SENP2: variants seen among roughly 807,000 people sequenced by gnomAD.
SENP2 encodes the protein sentrin-specific protease 2.
A neutral mutation model predicts 86.3 loss-of-function variants in SENP2; 16 were observed. That is an observed-to-expected ratio of 0.19 (90% CI 0.13 to 0.28). The LOEUF (loss-of-function observed/expected upper bound fraction) is 0.28, where lower values mean the gene tolerates loss of function less well. Among genes scored for constraint, SENP2 ranks in the 10% least tolerant of loss-of-function variants. The probability of loss-of-function intolerance (pLI) is 1.00; values close to 1 mark genes in which losing one functional copy is unlikely to be tolerated. For missense variants in SENP2, 552 were observed against 703.0 expected, an observed-to-expected ratio of 0.79 and a Z score of 2.43; for synonymous variants, 222 against 238.7, an observed-to-expected ratio of 0.93 and a Z score of 0.64.
intron 10 of SENP2, 22 bp downstream of exon 10, chr3:185,613,430 A>C (rs1722759805): frequency 1.4e-6 from 2 of 1,429,400 alleles, no homozygotes; most frequent in South Asian, 1.2e-5. Context: ...TCCTAGTTAC[A>C]TTTGATACCT....
At chr3:185,588,095 T>C (rs1721858345) in intron 1 of SENP2, among the ~76,000 whole-genome samples, 2 of 128,048 alleles carry the variant, frequency 1.6e-5, no homozygotes, top group Non-Finnish European at 3.2e-5. Context: ...TCTCGCTCTG[T>C]CGCCCAGGCT....
intron 16 of SENP2, among the ~76,000 whole-genome samples, chr3:185,628,955 C>T (rs908024908): frequency 6.6e-6 from 1 of 152,142 alleles, no homozygotes; most frequent in Non-Finnish European, 1.5e-5. Context: ...CTCATTGTTT[C>T]ATGTTGCCAA....
chr3:185,624,197 A>T, intron 15 of SENP2, 115 bp downstream of exon 15: 1 of 626,788 alleles, frequency 1.6e-6, no homozygotes, highest in Non-Finnish European at 2.7e-6. Context: ...TAAAGTACAC[A>T]TCTTTTTTTT....
Position 185,619,323 on chromosome 3 carries a change from C to T in SENP2, c.1267C>T (p.Leu423=). ...GGTCATTAATTTTTACATGAATCTTCTGGTGGAAAGAAATAAAAAGCAAGG... is the reference window on the plus strand; with the variant it reads ...GGTCATTAATTTTTACATGAATCTTTTGGTGGAAAGAAATAAAAAGCAAGG... ...DEVINFYMNL[L]VERNKKQGYP... The change falls in exon 13 of 17, where the codon CTG becomes TTG. Residue 423 remains leucine, a synonymous_variant. Transcript: ENST00000296257. The T allele has an allele frequency of 6.2e-7, 1 of 1,613,692 alleles. No individual in the cohort carries two copies. Among genetic ancestry groups the T allele is most frequent in the Non-Finnish European group, 8.5e-7 (1 of 1,179,612 alleles).
At chr3:185,601,701 A>C (rs921668761) in intron 5 of SENP2, among the ~76,000 whole-genome samples, 3 of 142,860 alleles carry the variant, frequency 2.1e-5, no homozygotes, top group African/African-American at 7.9e-5. Flanking sequence ...TTGGTGGCAC[A>C]GTCTTGGCTC....
rs558745092 is a variant in SENP2, at chr3:185,610,785, A to G, written c.723-866A>G. Among the ~76,000 whole-genome samples, 4 of 151,054 alleles carry G rather than the reference A, an allele frequency of 2.6e-5. No individual in the cohort carries two copies. The South Asian group carries it at 6.3e-4, about 24-fold the overall frequency. Reference sequence around the variant, plus strand: ...ATCCTGGCTAACACGGTGAAACCCCATCTCTACTAAAAAATACAAAAAATT... The same window carrying G: ...ATCCTGGCTAACACGGTGAAACCCCGTCTCTACTAAAAAATACAAAAAATT... On this transcript the variant is annotated intron_variant, in intron 7 of 16. Coordinates refer to ENST00000296257, the MANE Select transcript of SENP2 (RefSeq NM_021627.3).
chr3:185,609,333 A>G lies in SENP2; in HGVS notation c.705A>G (p.Val235=). The G allele has an allele frequency of 6.2e-7, 1 of 1,611,910 alleles. No individual in the cohort carries two copies. Among genetic ancestry groups the G allele is most frequent in the Middle Eastern group, 1.7e-4 (1 of 6,056 alleles). The change falls in exon 7 of 17, where the codon GTA becomes GTG. Residue 235 remains valine, a synonymous_variant. Transcript: ENST00000296257. ...GTCATGGAAACTCTGTCTGTCCTGT[A>G]ACTTCAAATTATCACAGGTGACAGT... is the stretch of plus-strand genomic sequence containing the variant. ...ESGHGNSVCP[V]TSNYHSSQRS...
At chr3:185,622,715 A>G (rs1431414570) in intron 14 of SENP2, among the ~76,000 whole-genome samples, 1 of 151,118 alleles carries the variant, frequency 6.6e-6, no homozygotes, top group Non-Finnish European at 1.5e-5. Context: ...ATGTATACAT[A>G]TATTATCCCA....
rs1006870309 is a variant in SENP2 at position 185,600,926 on chromosome 3, C to T, written c.449+71C>T. ...GGTGCTCACTCTTGCTAGGCAGTCT[C>T]ACTTTTGTTGTATTATGTAGTCCTG... On this transcript the variant is annotated intron_variant, in intron 5 of 16. Transcript: ENST00000296257. 1.0e-5 allele frequency: 11 copies of T among 1,098,856 alleles called. No individual in the cohort carries two copies. In the African/African-American group the frequency reaches 1.7e-4, roughly 17 times the overall value. 68.1% of individuals were successfully genotyped at this position (1,098,856 alleles called of 1,614,324 possible). A position where few individuals can be genotyped will look rare whatever the true frequency, so the allele number is the denominator to read the frequency against.
intron 12 of SENP2, among the ~76,000 whole-genome samples, chr3:185,617,951 G>C (rs555840696): frequency 2.6e-5 from 4 of 150,998 alleles, no homozygotes; most frequent in Non-Finnish European, 4.4e-5. Flanking sequence ...TTGTTTTTTG[G>C]TTTTGTTTTT....
At chr3:185,597,116 C>T (rs575557052) in intron 2 of SENP2, among the ~76,000 whole-genome samples, 26 of 152,026 alleles carry the variant, frequency 1.7e-4, no homozygotes, top group African/African-American at 5.3e-4. Flanking sequence ...CCTCCCAAAG[C>T]GTTGGGATTA....
At position 185,630,415 on chromosome 3, in the gene SENP2, T is replaced by C. The variant is rs1054767121; in HGVS notation, c.*571T>C. On this transcript the variant is annotated 3_prime_UTR_variant, in exon 17 of 17. Transcript: ENST00000296257. Reference sequence around the variant, plus strand: ...ATGAAGCTGGAGGGTTTGGGATTTTTTTTGTTTTTGTTTTTTTGAGGCTCA... The same window carrying C: ...ATGAAGCTGGAGGGTTTGGGATTTTCTTTGTTTTTGTTTTTTTGAGGCTCA... 1.3e-5 allele frequency: 2 copies of C among 152,992 alleles called. No individual in the cohort carries two copies. The highest frequency in any genetic ancestry group is 2.4e-5 in the African/African-American group (1 of 41,428). The allele number at this position is 152,992 out of a possible 1,614,324, so 9.5% of individuals were successfully genotyped here. A position where few individuals can be genotyped will look rare whatever the true frequency, so the allele number is the denominator to read the frequency against.
intron 7 of SENP2, among the ~76,000 whole-genome samples, chr3:185,609,596 A>G (rs1722620557): frequency 6.6e-6 from 1 of 152,128 alleles, no homozygotes; most frequent in Non-Finnish European, 1.5e-5. Context: ...TTATATTAAA[A>G]AAGTGGATCA....
At chr3:185,616,589 C>A (rs946936987) in intron 11 of SENP2, among the ~76,000 whole-genome samples, 1 of 151,516 alleles carries the variant, frequency 6.6e-6, no homozygotes, top group African/African-American at 2.4e-5. Flanking sequence ...TCCTGGCTAA[C>A]ACAGTGAAAC....
Position 185,633,226 on chromosome 3 carries a change from T to C in SENP2, c.*3382T>C, listed in dbSNP as rs16860150. 6.6e-6 allele frequency: 1 copy of C among 152,306 alleles called. No individual in the cohort carries two copies. The highest frequency in any genetic ancestry group is 2.4e-5 in the African/African-American group (1 of 41,558). 9.4% of individuals were successfully genotyped at this position (152,306 alleles called of 1,614,324 possible). On this transcript the variant is annotated 3_prime_UTR_variant, in exon 17 of 17. Transcript: ENST00000296257. ...TAGTAGAAACAGTGAACCTCAGATA[T>C]GAATAAATAAGCAAGAGACCGAAAG...
chr3:185,625,409 C>A (rs1205490806), intron 15 of SENP2, among the ~76,000 whole-genome samples: 1 of 152,132 alleles, frequency 6.6e-6, no homozygotes, highest in African/African-American at 2.4e-5. Flanking sequence ...CCGTACCCGG[C>A]CACTAGGCAA....
chr3:185,587,000 G>C lies in SENP2; in HGVS notation c.101+486G>C, dbSNP rs981168240. Among the ~76,000 whole-genome samples the C allele has an allele frequency of 7.1e-4, 108 of 152,326 alleles. No individual in the cohort carries two copies. The highest frequency in any genetic ancestry group is 1.2e-3 in the Non-Finnish European group (80 of 68,034). ...CAAACAGTCTGTGTGTTTGGGGCCA[G>C]AAGGGTTTTGTGCTTTAGAATTAGT... On this transcript the variant is annotated intron_variant, in intron 1 of 16. Coordinates refer to ENST00000296257, the MANE Select transcript of SENP2 (RefSeq NM_021627.3). The surrounding 1 kb of genome is among the most constrained non-coding windows in gnomAD (Gnocchi z 4.3).
At chr3:185,587,732 A>ATTTTTTTTTTTTTTTTTTTTT (rs59565990) in intron 1 of SENP2, among the ~76,000 whole-genome samples, 1 of 73,028 alleles carries the variant, frequency 1.4e-5, no homozygotes, top group Non-Finnish European at 2.6e-5. Flanking sequence ...ATGCCCGGCT[A>ATTTTTTTTTTTTTTTTTTTTT]TTTTTTTTTT....
rs542566238 is a variant in SENP2 at position 185,611,648 on chromosome 3, A to T, written c.723-3A>T. On this transcript the variant is annotated splice_polypyrimidine_tract_variant and splice_region_variant and intron_variant, in intron 7 of 16. Coordinates refer to ENST00000296257, the MANE Select transcript of SENP2 (RefSeq NM_021627.3). ...GATCTCCCTCACTTTTTGTGTTTCTAAGTTCTCAAAGAAGTCAGATGGACA... is the reference window on the plus strand; with the variant it reads ...GATCTCCCTCACTTTTTGTGTTTCTTAGTTCTCAAAGAAGTCAGATGGACA... 1 of 1,606,872 alleles carries T rather than the reference A, an allele frequency of 6.2e-7. No homozygotes were observed. The highest frequency in any genetic ancestry group is 8.5e-7 in the Non-Finnish European group (1 of 1,174,536).
Sources: gnomAD v4.1 joint callset for allele counts (sites outside exome capture counted in the v4.1 genomes callset) on GRCh38, gnomAD v4.1.1 for gene constraint, Gnocchi (gnomAD v3.1) non-coding constraint, MANE v1.5 for transcripts, NCBI Gene and HGNC (gene_info 2026-07-23, HGNC 2026-07-21) for gene names.